The following GRB10 variants were observed in gnomAD, a reference collection of about 807,000 sequenced individuals.
The protein encoded by GRB10 is growth factor receptor bound protein 10.
Under a neutral mutation model 80.9 loss-of-function variants are expected in GRB10, and 20 were observed. The observed-to-expected ratio is 0.25, with a 90% CI of 0.17 to 0.36. The LOEUF (loss-of-function observed/expected upper bound fraction) is 0.36. Among genes scored for constraint, GRB10 ranks in the 10% least tolerant of loss-of-function variants. The pLI, the probability that GRB10 is intolerant of heterozygous loss-of-function variation, is 1.00. For synonymous variants in GRB10, 291 were observed against 291.5 expected, an observed-to-expected ratio of 1.00 and a Z score of 0.02; for missense variants, 548 against 747.7, an observed-to-expected ratio of 0.73 and a Z score of 3.12.
chr7:50,772,575 C>A (rs532374652), intron 2 of GRB10, among the ~76,000 whole-genome samples: 2 of 152,182 alleles, frequency 1.3e-5, no homozygotes, highest in East Asian at 3.9e-4. Context: ...GAAGCTCTAG[C>A]CAGAGCAATT....
chr7:50,688,214 C>T (rs950953278), intron 5 of GRB10, among the ~76,000 whole-genome samples: 1 of 152,218 alleles, frequency 6.6e-6, no homozygotes, highest in Admixed American at 6.5e-5. Flanking sequence ...GGTTTAACTA[C>T]AAATCCAACA....
intron 7 of GRB10, among the ~76,000 whole-genome samples, chr7:50,645,103 A>G (rs2153611597): frequency 6.6e-6 from 1 of 152,354 alleles, no homozygotes; most frequent in East Asian, 1.9e-4. Flanking sequence ...ATGCCAGAAA[A>G]TGTATTTGAA....
intron 2 of GRB10, among the ~76,000 whole-genome samples, chr7:50,767,242 C>T (rs773865506): frequency 2.0e-5 from 3 of 152,134 alleles, no homozygotes; most frequent in Non-Finnish European, 4.4e-5. Flanking sequence ...CGCACAGATG[C>T]CCAAGGCAGG....
chr7:50,769,770 C>T (rs1242016379), intron 2 of GRB10, among the ~76,000 whole-genome samples: 2 of 151,790 alleles, frequency 1.3e-5, no homozygotes, highest in Admixed American at 1.3e-4. Context: ...CTCTGCAACA[C>T]CCTTCTCTCC....
At chr7:50,641,907 G>A (rs540142816) in intron 7 of GRB10, among the ~76,000 whole-genome samples, 1 of 152,308 alleles carries the variant, frequency 6.6e-6, no homozygotes, top group East Asian at 1.9e-4. Flanking sequence ...GCAAGGGCGT[G>A]GGAAGGCTCA....
chr7:50,671,367 A>G (rs957743385), intron 6 of GRB10, among the ~76,000 whole-genome samples: 2 of 152,226 alleles, frequency 1.3e-5, no homozygotes, highest in African/African-American at 4.8e-5. Flanking sequence ...ATTTGCCACT[A>G]CAGAAACACA....
chr7:50,700,008 G>A (rs759878355), intron 5 of GRB10, among the ~76,000 whole-genome samples: 16 of 152,018 alleles, frequency 1.1e-4, no homozygotes, highest in South Asian at 2.1e-4. Context: ...GCGTGGTGGC[G>A]GGCACCTGTA....
At chr7:50,681,888 A>G (rs2061578289) in intron 5 of GRB10, among the ~76,000 whole-genome samples, 1 of 152,194 alleles carries the variant, frequency 6.6e-6, no homozygotes, top group African/African-American at 2.4e-5. Flanking sequence ...TAATTTCACC[A>G]GCCAGGGCTG....
chr7:50,651,227 TA>T (rs2057969534), intron 7 of GRB10, among the ~76,000 whole-genome samples: 1 of 152,184 alleles, frequency 6.6e-6, no homozygotes, highest in East Asian at 1.9e-4. Context: ...CTAGATGACT[TA>T]ACAGAAACTC....
chr7:50,666,329 A>G lies in GRB10; in HGVS notation c.504+3393T>C, dbSNP rs573015666. On this transcript the variant is annotated intron_variant, in intron 7 of 18. Coordinates refer to ENST00000401949, the MANE Select transcript of GRB10 (RefSeq NM_001350814.2). Reference sequence around the variant, plus strand: ...CGTTGTAGGGGCTCAAGGTGAGCGAAGGCAGAGAGCTCAGAGGGAGGCGGC... The same window carrying G: ...CGTTGTAGGGGCTCAAGGTGAGCGAGGGCAGAGAGCTCAGAGGGAGGCGGC... 2.6e-5 allele frequency among the ~76,000 whole-genome samples: 4 copies of G among 152,288 alleles called. No homozygotes were observed. In the South Asian group the frequency reaches 8.3e-4, roughly 32 times the overall value.
chr7:50,728,071 G>C (rs1396617721), intron 4 of GRB10, among the ~76,000 whole-genome samples: 1 of 152,148 alleles, frequency 6.6e-6, no homozygotes, highest in Non-Finnish European at 1.5e-5. Context: ...TGTCCTATCA[G>C]CTGGAACAGT....
At chr7:50,636,785 G>C (rs2055118009) in intron 7 of GRB10, among the ~76,000 whole-genome samples, 1 of 152,036 alleles carries the variant, frequency 6.6e-6, no homozygotes, top group African/African-American at 2.4e-5. Context: ...TACTGAATAG[G>C]GAAGAGTTGA....
intron 7 of GRB10, among the ~76,000 whole-genome samples, chr7:50,642,420 CACAA>C (rs1041815614): frequency 3.3e-4 from 50 of 152,164 alleles, no homozygotes; most frequent in African/African-American, 1.1e-3. Context: ...TGCAAACATG[CACAA>C]ACACATACAC....
intron 3 of GRB10, among the ~76,000 whole-genome samples, chr7:50,750,937 T>G (rs2074010913): frequency 6.6e-6 from 1 of 152,160 alleles, no homozygotes; most frequent in Non-Finnish European, 1.5e-5. Flanking sequence ...GAATCATCTC[T>G]ACCCACCTAG....
upstream of GRB10, among the ~76,000 whole-genome samples, chr7:50,786,763 GAAATA>G (rs1010866215): frequency 1.3e-5 from 2 of 152,166 alleles, no homozygotes; most frequent in African/African-American, 2.4e-5. Context: ...TCAAATTTTG[GAAATA>G]AACCAAGAAG....
chr7:50,772,125 C>T (rs2077039114), intron 2 of GRB10, among the ~76,000 whole-genome samples: 2 of 152,166 alleles, frequency 1.3e-5, no homozygotes, highest in African/African-American at 4.8e-5. Context: ...TGGTCTCAAT[C>T]ATTTTAAGAC....
chr7:50,743,864 T>G (rs17134005), intron 3 of GRB10, among the ~76,000 whole-genome samples: 20,796 of 152,166 alleles, frequency 0.14, 4,742 homozygotes, highest in African/African-American at 0.47. Context: ...ATCCAACTGA[T>G]CTGAGACCCA....
intron 2 of GRB10, among the ~76,000 whole-genome samples, chr7:50,776,970 T>A (rs1251230385): frequency 6.6e-6 from 1 of 152,214 alleles, no homozygotes; most frequent in Non-Finnish European, 1.5e-5. Context: ...AACTGTTCCA[T>A]CCTCTACCCA....
At chr7:50,635,638 C>G (rs2054832749) in intron 7 of GRB10, among the ~76,000 whole-genome samples, 1 of 152,028 alleles carries the variant, frequency 6.6e-6, no homozygotes, top group South Asian at 2.1e-4. Flanking sequence ...TGATAGCTAG[C>G]AAGTTTACCT....
Sources: gnomAD v4.1 joint callset for allele counts (sites outside exome capture counted in the v4.1 genomes callset) on GRCh38, gnomAD v4.1.1 for gene constraint, MANE v1.5 for transcripts, NCBI Gene and HGNC (gene_info 2026-07-23, HGNC 2026-07-21) for gene names.